The following PLCB1 variants were observed in gnomAD, a reference collection of about 807,000 sequenced individuals.
PLCB1 encodes 1-phosphatidylinositol 4,5-bisphosphate phosphodiesterase beta-1.
PLCB1 carries 46 observed loss-of-function variants against 161.8 expected under a neutral mutation model. That is an observed-to-expected ratio of 0.28 (90% CI 0.22 to 0.36). The LOEUF (loss-of-function observed/expected upper bound fraction) is 0.36, where lower values mean the gene tolerates loss of function less well. Among genes scored for constraint, PLCB1 ranks in the 10% least tolerant of loss-of-function variants. The probability of loss-of-function intolerance (pLI) is 1.00; values close to 1 mark genes in which losing one functional copy is unlikely to be tolerated. For synonymous variants in PLCB1, 517 were observed against 503.7 expected (o/e 1.03, Z -0.35); for missense variants, 1,016 against 1,472.5 (o/e 0.69, Z 5.07).
chr20:8,679,929 G>A (rs1359002281), intron 9 of PLCB1, among the ~76,000 whole-genome samples: 1 of 152,088 alleles, frequency 6.6e-6, no homozygotes, highest in Non-Finnish European at 1.5e-5. Flanking sequence ...AATTTAGCTA[G>A]AAATAATTCC....
intron 31 of PLCB1, among the ~76,000 whole-genome samples, chr20:8,805,278 C>T (rs904744102): frequency 1.4e-4 from 22 of 152,138 alleles, no homozygotes; most frequent in Admixed American, 2.6e-4. Flanking sequence ...CTACAAATCA[C>T]TGTAGAGCGA....
chr20:8,843,291 T>A (rs1986574337), intron 31 of PLCB1, among the ~76,000 whole-genome samples: 1 of 151,810 alleles, frequency 6.6e-6, no homozygotes, highest in Admixed American at 6.6e-5. Flanking sequence ...TAGACAGAAA[T>A]TTTGTGGAAT....
chr20:8,173,583 G>A (rs1484931556), intron 2 of PLCB1, among the ~76,000 whole-genome samples: 4 of 152,038 alleles, frequency 2.6e-5, no homozygotes, highest in Non-Finnish European at 4.4e-5. Context: ...AAAATAAAAC[G>A]TCCAGGATAC....
At chr20:8,395,760 A>G (rs1987752152) in intron 3 of PLCB1, among the ~76,000 whole-genome samples, 1 of 151,976 alleles carries the variant, frequency 6.6e-6, no homozygotes, top group Non-Finnish European at 1.5e-5. Context: ...TATTTGAAGG[A>G]TACTGTAGAG....
At chr20:8,640,047 C>G (rs1988895992) in intron 4 of PLCB1, among the ~76,000 whole-genome samples, 1 of 152,094 alleles carries the variant, frequency 6.6e-6, no homozygotes, top group Admixed American at 6.5e-5. Flanking sequence ...GGCAAAATAC[C>G]CTCTTCATTT....
At chr20:8,158,571 T>A (rs2051586955) in intron 2 of PLCB1, among the ~76,000 whole-genome samples, 1 of 152,002 alleles carries the variant, frequency 6.6e-6, no homozygotes, top group Admixed American at 6.5e-5. Flanking sequence ...TCCCCCAAAG[T>A]CTTAACTCAT....
intron 3 of PLCB1, among the ~76,000 whole-genome samples, chr20:8,615,771 A>C (rs1300017891): frequency 6.6e-6 from 1 of 152,190 alleles, no homozygotes; most frequent in Non-Finnish European, 1.5e-5. Flanking sequence ...CTGTATTTGA[A>C]CTTCTCTCCG....
At chr20:8,430,770 A>G (rs1980004921) in intron 3 of PLCB1, among the ~76,000 whole-genome samples, 1 of 152,090 alleles carries the variant, frequency 6.6e-6, no homozygotes, top group Non-Finnish European at 1.5e-5. Flanking sequence ...CCCTATAGGA[A>G]ACATAACAAG....
intron 2 of PLCB1, among the ~76,000 whole-genome samples, chr20:8,244,877 G>A (rs1000675353): frequency 2.0e-5 from 3 of 151,624 alleles, no homozygotes; most frequent in African/African-American, 4.8e-5. Context: ...AAGTATCCAG[G>A]CAAATACAAA....
Position 8,628,573 on chromosome 20 carries a change from T to C in PLCB1, c.384+142T>C, listed in dbSNP as rs148011295. 1.3e-5 allele frequency: 10 copies of C among 747,838 alleles called. 1 individual carries two copies. In the African/African-American group the frequency reaches 1.7e-4, roughly 13 times the overall value. The allele number at this position is 747,838 out of a possible 1,614,324, so 46.3% of individuals were successfully genotyped here. A position where few individuals can be genotyped will look rare whatever the true frequency, so the allele number is the denominator to read the frequency against. On this transcript the variant is annotated intron_variant, in intron 4 of 31. Transcript: ENST00000338037. ...CTAAAAATAATTCAGCTGCCAAGTA[T>C]AAGTGCAATTAAAATACTTCTAAAT...
intron 2 of PLCB1, among the ~76,000 whole-genome samples, chr20:8,302,372 C>T (rs1983947074): frequency 6.6e-6 from 1 of 152,162 alleles, no homozygotes; most frequent in South Asian, 2.1e-4. Flanking sequence ...ATAGCATCTG[C>T]AGATGTCATG....
intron 2 of PLCB1, among the ~76,000 whole-genome samples, chr20:8,322,178 C>G (rs1379610274): frequency 6.6e-6 from 1 of 152,022 alleles, no homozygotes; most frequent in East Asian, 1.9e-4. Context: ...GTCTTGTATT[C>G]CTGCTCACCT....
intron 3 of PLCB1, among the ~76,000 whole-genome samples, chr20:8,561,112 A>T (rs1461724065): frequency 6.6e-6 from 1 of 151,856 alleles, no homozygotes; most frequent in African/African-American, 2.4e-5. Flanking sequence ...ATGATCTGGG[A>T]CTTGGCAGGG....
At chr20:8,230,865 A>G (rs1035758387) in intron 2 of PLCB1, among the ~76,000 whole-genome samples, 1 of 152,092 alleles carries the variant, frequency 6.6e-6, no homozygotes, top group Admixed American at 6.6e-5. Context: ...CTCATCATCT[A>G]GCAGAACTAC....
intron 27 of PLCB1, among the ~76,000 whole-genome samples, chr20:8,776,707 C>G (rs1004654871): frequency 9.2e-5 from 14 of 152,234 alleles, no homozygotes; most frequent in African/African-American, 2.9e-4. Flanking sequence ...TTATTAGACA[C>G]CTGCTTGTTA....
At chr20:8,162,119 G>A (rs1190438924) in intron 2 of PLCB1, among the ~76,000 whole-genome samples, 2 of 152,022 alleles carry the variant, frequency 1.3e-5, no homozygotes, top group South Asian at 2.1e-4. Context: ...ATATTCTGTC[G>A]ATGAAAATTT....
chr20:8,280,191 C>G (rs759335496), intron 2 of PLCB1, among the ~76,000 whole-genome samples: 1 of 151,976 alleles, frequency 6.6e-6, no homozygotes, highest in Non-Finnish European at 1.5e-5. Flanking sequence ...CAAAAATTAG[C>G]TGGGCTTGGT....
chr20:8,427,799 C>T (rs575741554), intron 3 of PLCB1, among the ~76,000 whole-genome samples: 11 of 152,196 alleles, frequency 7.2e-5, no homozygotes, highest in Admixed American at 2.0e-4. Flanking sequence ...CAGCTGGCGT[C>T]AGTAGTTTTA....
intron 19 of PLCB1, among the ~76,000 whole-genome samples, chr20:8,733,793 AAT>A (rs1404729312): frequency 3.0e-5 from 2 of 66,056 alleles, no homozygotes; most frequent in Non-Finnish European, 7.6e-5. Context: ...GTATAATAAT[AAT>A]AATAATAATA....
Sources: gnomAD v4.1 joint callset for allele counts (sites outside exome capture counted in the v4.1 genomes callset) on GRCh38, gnomAD v4.1.1 for gene constraint, MANE v1.5 for transcripts, NCBI Gene and HGNC (gene_info 2026-07-23, HGNC 2026-07-21) for gene names.